Variants in WWOX observed in about 807,000 individuals in gnomAD.
WWOX encodes WW domain-containing oxidoreductase.
Under a neutral mutation model 46.2 loss-of-function variants are expected in WWOX, and 69 were observed. That is an observed-to-expected ratio of 1.49 (90% CI 1.23 to 1.82). The LOEUF (loss-of-function observed/expected upper bound fraction) is 1.82, where lower values mean the gene tolerates loss of function less well. WWOX is among the 40% of genes most tolerant of loss of function. The pLI is 0.00. For missense variants in WWOX, 919 were observed against 542.6 expected (o/e 1.69, Z -6.89); for synonymous variants, 359 against 202.6 (o/e 1.77, Z -6.56).
chr16:79,180,451 T>C (rs1319746568), intron 8 of WWOX, among the ~76,000 whole-genome samples: 1 of 152,162 alleles, frequency 6.6e-6, no homozygotes. Context: ...ACATAAAGCC[T>C]GGGGTGGTGA....
At chr16:78,883,817 A>T (rs2044394444) in intron 8 of WWOX, among the ~76,000 whole-genome samples, 1 of 152,140 alleles carries the variant, frequency 6.6e-6, no homozygotes, top group Non-Finnish European at 1.5e-5. Flanking sequence ...AGCGTGGAGG[A>T]ACTCTGTGTA....
chr16:79,117,256 A>G (rs538129756), intron 8 of WWOX, among the ~76,000 whole-genome samples: 4 of 152,182 alleles, frequency 2.6e-5, no homozygotes, highest in Admixed American at 2.6e-4. Context: ...CAATCTGCCC[A>G]AATCAGCCTC....
chr16:79,096,546 G>T (rs1174513018), intron 8 of WWOX, among the ~76,000 whole-genome samples: 2 of 152,070 alleles, frequency 1.3e-5, no homozygotes, highest in African/African-American at 4.8e-5. Context: ...ACCTTCGGAG[G>T]AAGCCTTCTC....
At chr16:78,100,198 C>T (rs896876133) in intron 1 of WWOX, 5 of 1,205,960 alleles carry the variant, frequency 4.1e-6, no homozygotes, top group Non-Finnish European at 4.2e-6. Flanking sequence ...TTAAAAAGCG[C>T]ACATGCTCAG....
intron 8 of WWOX, among the ~76,000 whole-genome samples, chr16:79,025,863 A>G (rs58721019): frequency 0.45 from 63,617 of 142,628 alleles, 14,400 homozygotes; most frequent in East Asian, 0.64. Flanking sequence ...CAACGGCACA[A>G]TCTTGGTTCA....
At chr16:78,875,871 T>C (rs56341534) in intron 8 of WWOX, among the ~76,000 whole-genome samples, 4,948 of 152,328 alleles carry the variant, frequency 0.032, 108 homozygotes, top group Non-Finnish European at 0.047. Flanking sequence ...TTCCACACTT[T>C]TATTGCTTAG....
intron 8 of WWOX, among the ~76,000 whole-genome samples, chr16:78,739,212 GT>G (rs767473023): frequency 6.6e-5 from 10 of 152,136 alleles, no homozygotes; most frequent in Non-Finnish European, 1.5e-4. Context: ...CTAAAATTGT[GT>G]TTGCCGAATG....
chr16:78,178,249 C>G (rs1235231587), intron 5 of WWOX, among the ~76,000 whole-genome samples: 2 of 152,204 alleles, frequency 1.3e-5, no homozygotes, highest in African/African-American at 4.8e-5. Context: ...CGTCCCAGCA[C>G]TTCTGTGCTG....
intron 8 of WWOX, among the ~76,000 whole-genome samples, chr16:78,910,125 C>G (rs531016142): frequency 1.3e-5 from 2 of 151,804 alleles, no homozygotes; most frequent in South Asian, 4.2e-4. Context: ...GTTAAATATT[C>G]CTCGTCTGTC....
At chr16:78,480,144 T>C (rs1277761702) in intron 8 of WWOX, among the ~76,000 whole-genome samples, 2 of 152,208 alleles carry the variant, frequency 1.3e-5, no homozygotes, top group African/African-American at 2.4e-5. Context: ...ACTATTAAAA[T>C]GTAAATTAAT....
chr16:78,833,459 A>T (rs1024935513), intron 8 of WWOX, among the ~76,000 whole-genome samples: 1 of 151,194 alleles, frequency 6.6e-6, no homozygotes, highest in Non-Finnish European at 1.5e-5. Flanking sequence ...CCTGCTTTCT[A>T]TTCTCCTTCC....
At chr16:79,091,844 T>C (rs1450857617) in intron 8 of WWOX, among the ~76,000 whole-genome samples, 1 of 149,708 alleles carries the variant, frequency 6.7e-6, no homozygotes, top group South Asian at 2.1e-4. Flanking sequence ...GCAGTGGTAT[T>C]ATCTGGGCTC....
intron 8 of WWOX, among the ~76,000 whole-genome samples, chr16:79,186,003 G>A (rs1461937762): frequency 1.3e-5 from 2 of 151,802 alleles, no homozygotes; most frequent in Non-Finnish European, 2.9e-5. Context: ...ATGTCTGCTG[G>A]CCTTGAGAAG....
chr16:78,893,459 G>C (rs1305453014), intron 8 of WWOX, among the ~76,000 whole-genome samples: 1 of 152,040 alleles, frequency 6.6e-6, no homozygotes. Flanking sequence ...TTGCTACTTA[G>C]GAAACCATCT....
chr16:78,266,531 T>C (rs2079366044), intron 5 of WWOX, among the ~76,000 whole-genome samples: 1 of 152,180 alleles, frequency 6.6e-6, no homozygotes, highest in African/African-American at 2.4e-5. Flanking sequence ...GAAGGCAGGA[T>C]AGCATAGGGT....
chr16:78,554,619 A>G (rs1033273400), intron 8 of WWOX, among the ~76,000 whole-genome samples: 3 of 152,094 alleles, frequency 2.0e-5, no homozygotes, highest in Non-Finnish European at 2.9e-5. Flanking sequence ...ACAAATATAT[A>G]TGTGCCTTTG....
chr16:78,983,870 CTTTTTT>C (rs760130115), intron 8 of WWOX, among the ~76,000 whole-genome samples: 2 of 79,844 alleles, frequency 2.5e-5, no homozygotes, highest in African/African-American at 4.9e-5. Flanking sequence ...GAGAGCTATT[CTTTTTT>C]TTTTTTTTTT....
At chr16:78,475,550 T>C (rs2137090) in intron 8 of WWOX, among the ~76,000 whole-genome samples, 16,454 of 152,218 alleles carry the variant, frequency 0.11, 1,579 homozygotes, top group African/African-American at 0.25. Flanking sequence ...GCCATGACTT[T>C]CATCTTGATG....
At chr16:78,404,886 A>G (rs756470007) in intron 6 of WWOX, among the ~76,000 whole-genome samples, 30 of 152,348 alleles carry the variant, frequency 2.0e-4, no homozygotes, top group Non-Finnish European at 1.0e-4. Flanking sequence ...AAACAACCAG[A>G]ACTGTAACAC....
Sources: allele counts gnomAD v4.1 joint callset (sites outside exome capture counted in the v4.1 genomes callset), GRCh38; gene constraint gnomAD v4.1.1; transcripts MANE v1.5; gene names NCBI Gene and HGNC (gene_info 2026-07-23, HGNC 2026-07-21).